The following SP100 variants were observed in gnomAD, a reference collection of about 807,000 sequenced individuals.
SP100 encodes nuclear autoantigen Sp-100.
Under a neutral mutation model 130.0 loss-of-function variants are expected in SP100, and 84 were observed. The observed-to-expected ratio is 0.65, with a 90% confidence interval of 0.54 to 0.77. The LOEUF (loss-of-function observed/expected upper bound fraction) is 0.77, where lower values mean the gene tolerates loss of function less well. Among genes scored for constraint, SP100 ranks in the 30% least tolerant of loss-of-function variants. The pLI is 0.00. For synonymous variants in SP100, 331 were observed against 351.7 expected, an observed-to-expected ratio of 0.94 and a Z score of 0.66; for missense variants, 978 against 1,052.2, an observed-to-expected ratio of 0.93 and a Z score of 0.97.
intron 1 of SP100, among the ~76,000 whole-genome samples, chr2:230,417,147 T>G (rs1027908683): frequency 6.6e-6 from 1 of 152,240 alleles, no homozygotes; most frequent in Non-Finnish European, 1.5e-5. Context: ...CCCAGTCCTG[T>G]GAAGAGTCTT....
chr2:230,430,061 A>G (rs1394279147), intron 2 of SP100, among the ~76,000 whole-genome samples: 1 of 152,238 alleles, frequency 6.6e-6, no homozygotes, highest in East Asian at 1.9e-4. Flanking sequence ...TGGTGTCTGC[A>G]CATTTGAGGA....
chr2:230,511,263 C>A, intron 24 of SP100, 97 bp downstream of exon 24: 1 of 879,866 alleles, frequency 1.1e-6, no homozygotes, highest in Non-Finnish European at 2.0e-6. Flanking sequence ...TGCTCAGTCT[C>A]AGTTGGAGTA....
At chr2:230,464,745 G>T (rs370376363) in intron 11 of SP100, among the ~76,000 whole-genome samples, 2 of 152,288 alleles carry the variant, frequency 1.3e-5, no homozygotes, top group South Asian at 4.2e-4. Flanking sequence ...GGGAGGTAGG[G>T]TAACTAGTTT....
chr2:230,481,397 T>C (rs766457245), intron 17 of SP100, among the ~76,000 whole-genome samples: 1 of 152,128 alleles, frequency 6.6e-6, no homozygotes, highest in Non-Finnish European at 1.5e-5. Context: ...TTTACTAAGT[T>C]TGAGCCAAAA....
chr2:230,483,493 T>C (rs1439354631), intron 17 of SP100, among the ~76,000 whole-genome samples: 1 of 152,066 alleles, frequency 6.6e-6, no homozygotes, highest in Non-Finnish European at 1.5e-5. Context: ...GGCAAAGACT[T>C]TGGATTCTTA....
Position 230,428,629 on chromosome 2 carries a change from A to C in SP100, c.107+10964A>C, listed in dbSNP as rs537831001. 8.4e-4 allele frequency among the ~76,000 whole-genome samples: 128 copies of C among 152,256 alleles called. 1 individual carries two copies. The highest frequency in any genetic ancestry group is 1.4e-3 in the East Asian group (7 of 5,180). On this transcript the variant is annotated intron_variant, in intron 2 of 28. Coordinates refer to ENST00000340126, the MANE Select transcript of SP100 (RefSeq NM_001080391.2). Reference sequence around the variant, plus strand: ...AGCTATTTTTTTGTATTTTTAGTAGAGACAGGGTTTCACTGTGTTAGCCAG... The same window carrying C: ...AGCTATTTTTTTGTATTTTTAGTAGCGACAGGGTTTCACTGTGTTAGCCAG...
chr2:230,511,462 A>G (rs535443128), intron 24 of SP100, among the ~76,000 whole-genome samples: 117 of 152,282 alleles, frequency 7.7e-4, no homozygotes, highest in African/African-American at 2.8e-3. Context: ...GTAGTAATGG[A>G]CAGGGCTGGC....
At chr2:230,435,189 TTG>T (rs2063217800) in intron 2 of SP100, among the ~76,000 whole-genome samples, 1 of 152,220 alleles carries the variant, frequency 6.6e-6, no homozygotes, top group Non-Finnish European at 1.5e-5. Flanking sequence ...ACTAATGAAA[TTG>T]TGTTTGCCAA....
At chr2:230,481,535 A>G (rs1378317426) in intron 17 of SP100, among the ~76,000 whole-genome samples, 1 of 152,132 alleles carries the variant, frequency 6.6e-6, no homozygotes. Flanking sequence ...CCCAAGCCCT[A>G]TTATCTTGCA....
chr2:230,492,621 GTTA>G (rs2066448694), intron 17 of SP100, among the ~76,000 whole-genome samples: 2 of 151,998 alleles, frequency 1.3e-5, no homozygotes, highest in Admixed American at 6.6e-5. Context: ...CATATTTTTT[GTTA>G]TTATACTATT....
intron 17 of SP100, among the ~76,000 whole-genome samples, chr2:230,481,818 C>T (rs923170231): frequency 2.6e-5 from 4 of 152,226 alleles, no homozygotes; most frequent in Non-Finnish European, 4.4e-5. Context: ...CTTGAATAAA[C>T]CAAGTAGTGT....
At chr2:230,426,536 C>T (rs2062938547) in intron 2 of SP100, among the ~76,000 whole-genome samples, 2 of 145,668 alleles carry the variant, frequency 1.4e-5, no homozygotes, top group South Asian at 4.3e-4. Flanking sequence ...ATTATATATT[C>T]CGTACAGAAG....
chr2:230,508,682 C>T (rs569205767), intron 23 of SP100: 29 of 152,108 alleles, frequency 1.9e-4, no homozygotes, highest in Admixed American at 1.6e-3. Context: ...GTTTGAAATG[C>T]ACAAAACAGT....
intron 24 of SP100, among the ~76,000 whole-genome samples, chr2:230,527,649 A>G (rs1189505505): frequency 1.3e-5 from 2 of 152,202 alleles, no homozygotes; most frequent in African/African-American, 4.8e-5. Flanking sequence ...TAGAGTCAAG[A>G]TCCATCAGTG....
intron 17 of SP100, among the ~76,000 whole-genome samples, chr2:230,477,706 G>T (rs1649928): frequency 0.23 from 35,030 of 152,040 alleles, 4,968 homozygotes; most frequent in Non-Finnish European, 0.33. Context: ...TCATTGGGGT[G>T]AATTTTAGAA....
At chr2:230,511,440 C>A (rs984962414) in intron 24 of SP100, among the ~76,000 whole-genome samples, 2 of 152,134 alleles carry the variant, frequency 1.3e-5, no homozygotes, top group Non-Finnish European at 2.9e-5. Context: ...CCTCCAGAGA[C>A]AAGAACTTGA....
At chr2:230,514,362 GAA>G (rs34582803) in intron 24 of SP100, among the ~76,000 whole-genome samples, 2 of 151,708 alleles carry the variant, frequency 1.3e-5, no homozygotes, top group African/African-American at 2.4e-5. Context: ...AAGAATGGGG[GAA>G]AAAAAACCTG....
chr2:230,483,641 G>C (rs2065933886), intron 17 of SP100, among the ~76,000 whole-genome samples: 1 of 152,162 alleles, frequency 6.6e-6, no homozygotes, highest in Non-Finnish European at 1.5e-5. Context: ...CTATTGCAAT[G>C]GTCTCGGAAG....
At chr2:230,459,853 T>G (rs1434674604) in intron 8 of SP100, among the ~76,000 whole-genome samples, 1 of 152,206 alleles carries the variant, frequency 6.6e-6, no homozygotes, top group Non-Finnish European at 1.5e-5. Context: ...AACCAGTTGA[T>G]ATGACTTTCC....
Sources: gnomAD v4.1 joint callset for allele counts (sites outside exome capture counted in the v4.1 genomes callset) on GRCh38, gnomAD v4.1.1 for gene constraint, MANE v1.5 for transcripts, NCBI Gene and HGNC (gene_info 2026-07-23, HGNC 2026-07-21) for gene names.